CMC1: variants seen among roughly 807,000 people sequenced by gnomAD.
CMC1 encodes the protein C-X9-C motif containing 1.
CMC1 carries 14 observed loss-of-function variants against 14.1 expected under a neutral mutation model. The ratio of observed to expected loss-of-function variants is 0.99; its 90% CI spans 0.66 to 1.55. The LOEUF (loss-of-function observed/expected upper bound fraction) is 1.55, where lower values mean the gene tolerates loss of function less well. Among genes scored for constraint, CMC1 ranks in the 40% most tolerant of loss-of-function variants. The pLI is 0.00. For synonymous variants in CMC1, 50 were observed against 38.4 expected (o/e 1.30, Z -1.12); for missense variants, 127 against 123.8 (o/e 1.03, Z -0.12).
At chr3:28,272,845 T>C (rs1313485613) in intron 2 of CMC1, among the ~76,000 whole-genome samples, 1 of 151,982 alleles carries the variant, frequency 6.6e-6, no homozygotes, top group African/African-American at 2.4e-5. Context: ...CCACCACGCC[T>C]GGCAAATTTT....
At chr3:28,270,908 T>C (rs1190031885) in intron 2 of CMC1, among the ~76,000 whole-genome samples, 3 of 150,770 alleles carry the variant, frequency 2.0e-5, no homozygotes, top group African/African-American at 7.3e-5. Context: ...TTAATTCATC[T>C]TGAGTTAATT....
chr3:28,243,448 A>T (rs567355332), intron 1 of CMC1, among the ~76,000 whole-genome samples: 6 of 152,206 alleles, frequency 3.9e-5, no homozygotes, highest in Non-Finnish European at 8.8e-5. Context: ...ATTTCCATAT[A>T]TCTACACTTT....
At chr3:28,245,034 A>G (rs1467877453) in intron 1 of CMC1, among the ~76,000 whole-genome samples, 3 of 150,286 alleles carry the variant, frequency 2.0e-5, no homozygotes, top group Non-Finnish European at 4.4e-5. Context: ...ACTGCTTTGT[A>G]CAGCCCACGA....
intron 2 of CMC1, among the ~76,000 whole-genome samples, chr3:28,301,644 AAAAT>A (rs1353859822): frequency 6.6e-6 from 1 of 151,554 alleles, no homozygotes; most frequent in Non-Finnish European, 1.5e-5. Context: ...TTTTTTTAAA[AAAAT>A]AGGAGATGCT....
intron 1 of CMC1, among the ~76,000 whole-genome samples, chr3:28,246,681 C>G (rs1296636504): frequency 6.6e-6 from 1 of 151,896 alleles, no homozygotes; most frequent in Non-Finnish European, 1.5e-5. Context: ...AAGGTTTTGC[C>G]CTGTTTTGTT....
intron 2 of CMC1, among the ~76,000 whole-genome samples, chr3:28,282,919 C>G (rs983512360): frequency 3.3e-5 from 5 of 152,176 alleles, no homozygotes; most frequent in African/African-American, 1.2e-4. Context: ...TAAGAAAATC[C>G]GATTTGACTT....
At chr3:28,253,445 G>A (rs1251986063) in intron 1 of CMC1, among the ~76,000 whole-genome samples, 1 of 152,138 alleles carries the variant, frequency 6.6e-6, no homozygotes, top group African/African-American at 2.4e-5. Flanking sequence ...GCTTGATGTG[G>A]TGGTGTGTGC....
intron 1 of CMC1, among the ~76,000 whole-genome samples, chr3:28,250,749 G>A (rs1404288172): frequency 1.3e-5 from 2 of 152,192 alleles, no homozygotes; most frequent in African/African-American, 2.4e-5. Context: ...AGTTGGAGAT[G>A]GAGATGAGCA....
Position 28,324,601 on chromosome 3 carries a change from G to T in CMC1, c.*4972G>T. 1 of 616,964 alleles carries T rather than the reference G, an allele frequency of 1.6e-6. No individual in the cohort carries two copies. The allele number at this position is 616,964 out of a possible 1,614,324, so 38.2% of individuals were successfully genotyped here. Reference sequence around the variant, plus strand: ...GATCATTGAGGCACTGTGACTAGGAGATAAATGACAGATGATCTGAGTTTT... The same window carrying T: ...GATCATTGAGGCACTGTGACTAGGATATAAATGACAGATGATCTGAGTTTT... On this transcript the variant is annotated 3_prime_UTR_variant, in exon 4 of 4. Transcript: ENST00000466830.
chr3:28,246,772 A>G (rs544693855), intron 1 of CMC1, among the ~76,000 whole-genome samples: 6 of 142,304 alleles, frequency 4.2e-5, no homozygotes, highest in African/African-American at 7.8e-5. Context: ...CTCATCAAAT[A>G]TTTCTCTTTG....
chr3:28,287,565 C>CA (rs376000212), intron 2 of CMC1, among the ~76,000 whole-genome samples: 4 of 152,120 alleles, frequency 2.6e-5, no homozygotes, highest in African/African-American at 7.2e-5. Context: ...TAAATAAGCA[C>CA]ATTTCTATAC....
intron 2 of CMC1, among the ~76,000 whole-genome samples, chr3:28,299,163 A>C (rs1048200255): frequency 1.3e-5 from 2 of 152,102 alleles, no homozygotes; most frequent in Non-Finnish European, 2.9e-5. Flanking sequence ...TCTGCCACAT[A>C]TTGGTGCTCA....
chr3:28,319,518 T>A lies in CMC1; in HGVS notation c.210T>A (p.Asp70Glu). The change falls in exon 4 of 4, where the codon GAT becomes GAA. Residue 70 changes from aspartate (D) to glutamate (E), a missense_variant. Coordinates refer to ENST00000466830, the MANE Select transcript of CMC1 (RefSeq NM_182523.2). ...LKECLTAYYN[D>E]PAFYEECKME... ...CATTTCCTTCTCATAGCTATAATGA[T>A]CCAGCCTTTTATGAAGAATGCAAAA... 6.3e-7 allele frequency: 1 copy of A among 1,599,730 alleles called. No homozygotes were observed. The highest frequency in any genetic ancestry group is 8.5e-7 in the Non-Finnish European group (1 of 1,170,920).
chr3:28,313,504 A>T, intron 2 of CMC1, among the ~76,000 whole-genome samples: 1 of 152,240 alleles, frequency 6.6e-6, no homozygotes, highest in East Asian at 1.9e-4. Context: ...TTGTTTCAGA[A>T]TTCCATTTTG....
chr3:28,285,408 TA>T (rs139231526), intron 2 of CMC1, among the ~76,000 whole-genome samples: 1,948 of 149,350 alleles, frequency 0.013, 64 homozygotes, highest in African/African-American at 0.045. Flanking sequence ...TTATTTGGGT[TA>T]AAAAAAAAAC....
At chr3:28,277,576 G>C (rs750567130) in intron 2 of CMC1, among the ~76,000 whole-genome samples, 1 of 152,172 alleles carries the variant, frequency 6.6e-6, no homozygotes, top group Admixed American at 6.5e-5. Context: ...GATAAGGTCA[G>C]TGGGGAGTGC....
intron 2 of CMC1, among the ~76,000 whole-genome samples, chr3:28,283,210 A>C (rs1378643169): frequency 2.0e-5 from 3 of 152,126 alleles, no homozygotes; most frequent in African/African-American, 4.8e-5. Context: ...AATATCAAGC[A>C]CATGATTAGA....
chr3:28,279,302 C>T (rs893445450), intron 2 of CMC1, among the ~76,000 whole-genome samples: 3 of 152,042 alleles, frequency 2.0e-5, no homozygotes, highest in African/African-American at 7.2e-5. Context: ...TTGGAAAGTG[C>T]GTGTGCATGC....
intron 2 of CMC1, among the ~76,000 whole-genome samples, chr3:28,266,381 A>G (rs1164374947): frequency 6.6e-6 from 1 of 152,208 alleles, no homozygotes; most frequent in Non-Finnish European, 1.5e-5. Context: ...ATAACGTAAT[A>G]CAAAAAAATT....
Sources: allele counts gnomAD v4.1 joint callset (sites outside exome capture counted in the v4.1 genomes callset), GRCh38; gene constraint gnomAD v4.1.1; transcripts MANE v1.5; gene names NCBI Gene and HGNC (gene_info 2026-07-23, HGNC 2026-07-21).